Variants in USP4 observed in about 807,000 individuals in gnomAD.
USP4 encodes ubiquitin specific peptidase 4, also known as ubiquitin carboxyl-terminal hydrolase 4.
A neutral mutation model predicts 118.2 loss-of-function variants in USP4; 72 were observed. That is an observed-to-expected ratio of 0.61 (90% CI 0.50 to 0.74). The LOEUF (loss-of-function observed/expected upper bound fraction) is 0.74, where lower values mean the gene tolerates loss of function less well. USP4 is among the 30% of genes least tolerant of loss of function. USP4 has a pLI of 0.00. For synonymous variants in USP4, 415 were observed against 440.4 expected (o/e 0.94, Z 0.72); for missense variants, 1,037 against 1,185.7 (o/e 0.87, Z 1.84).
At position 49,305,742 on chromosome 3, in the gene USP4, G is replaced by T. The variant is rs2230929; in HGVS notation, c.1101C>A (p.Asp367Glu). 6.2e-7 allele frequency: 1 copy of T among 1,610,302 alleles called. No individual in the cohort carries two copies. Among genetic ancestry groups the T allele is most frequent in the Non-Finnish European group, 8.5e-7 (1 of 1,178,348 alleles). The change falls in exon 9 of 22, where the codon GAC becomes GAA. Residue 367 changes from aspartate (D) to glutamate (E), a missense_variant. This residue lies in a region of USP4 where 487 missense variants were observed against 534.1 expected (regional missense o/e 0.91). Coordinates refer to ENST00000265560, the MANE Select transcript of USP4 (RefSeq NM_003363.4). ...TGAACATGCGAGGTGCCACATGGGCGTCCCTTCCAGACCACATCTGCTTAA... is the reference window on the plus strand; with the variant it reads ...TGAACATGCGAGGTGCCACATGGGCTTCCCTTCCAGACCACATCTGCTTAA... ...ELIKQMWSGR[D>E]AHVAPRMFKT... is the part of the protein sequence containing the mutation.
rs570751158 is a variant in USP4 at position 49,317,276 on chromosome 3, GGGCCAGCTTCTCGTTGACGCA to G, written c.696-5643_696-5623del. On this transcript the variant is annotated intron_variant, in intron 6 of 21. Coordinates refer to ENST00000265560, the MANE Select transcript of USP4 (RefSeq NM_003363.4). ...TTGCGTGCCAGGTTCTCGTTGACGC[GGGCCAGCTTCTCGTTGACGCA>G]GGCCAGCTTCTCTGTCAGCTGCCTC... The G allele has an allele frequency of 1.1e-3, 1,667 of 1,532,004 alleles. 10 individuals carry two copies. The Middle Eastern group carries it at 0.019, about 18-fold the overall frequency. 94.9% of individuals were successfully genotyped at this position (1,532,004 alleles called of 1,614,324 possible). A position where few individuals can be genotyped will look rare whatever the true frequency, so the allele number is the denominator to read the frequency against.
intron 2 of USP4, among the ~76,000 whole-genome samples, chr3:49,332,068 T>A (rs1186102507): frequency 6.6e-6 from 1 of 151,316 alleles, no homozygotes; most frequent in African/African-American, 2.4e-5. Context: ...AGGTCAGGAG[T>A]TCGAGACCAG....
chr3:49,278,932 C>T (rs777750320), intron 20 of USP4, 30 bp from the exon 21 acceptor site: 9 of 1,494,790 alleles, frequency 6.0e-6, no homozygotes, highest in African/African-American at 5.6e-5. Flanking sequence ...AATACTCTAG[C>T]GGTCTCCAGA....
At chr3:49,296,646 C>T (rs1436253415) in intron 13 of USP4, among the ~76,000 whole-genome samples, 1 of 152,068 alleles carries the variant, frequency 6.6e-6, no homozygotes, top group Non-Finnish European at 1.5e-5. Context: ...GAGACTCCGT[C>T]TAAAAAAATA....
At chr3:49,283,302 C>T (rs898249722) in intron 19 of USP4, among the ~76,000 whole-genome samples, 2 of 152,044 alleles carry the variant, frequency 1.3e-5, no homozygotes, top group African/African-American at 4.8e-5. Context: ...GCATGAGCCA[C>T]CGTGCCCAGC....
chr3:49,289,263 C>T (rs541943804), intron 15 of USP4, among the ~76,000 whole-genome samples: 1 of 152,336 alleles, frequency 6.6e-6, no homozygotes, highest in Admixed American at 6.5e-5. Context: ...GATGTTGTTA[C>T]TGATTGAGTG....
chr3:49,284,337 G>T, intron 18 of USP4, 129 bp downstream of exon 18: 1 of 1,034,076 alleles, frequency 9.7e-7, no homozygotes, highest in Admixed American at 2.2e-5. Flanking sequence ...AGAGGATTAT[G>T]TTGTAGGGTT....
intron 8 of USP4, among the ~76,000 whole-genome samples, chr3:49,306,501 C>G (rs549307363): frequency 3.9e-5 from 6 of 152,190 alleles, no homozygotes; most frequent in African/African-American, 1.4e-4. Context: ...CCGCGCCCAG[C>G]CTTTTTCATT....
chr3:49,319,141 CAAA>C (rs559088103), intron 6 of USP4, among the ~76,000 whole-genome samples: 7 of 112,628 alleles, frequency 6.2e-5, no homozygotes, highest in Non-Finnish European at 3.6e-5. Flanking sequence ...GACTGCATCT[CAAA>C]AAAAAAAAAA....
chr3:49,335,997 G>A (rs918549115), intron 1 of USP4, among the ~76,000 whole-genome samples: 1 of 151,892 alleles, frequency 6.6e-6, no homozygotes, highest in African/African-American at 2.4e-5. Flanking sequence ...CTGACTAACT[G>A]GGATTACAGG....
At chr3:49,339,015 C>T (rs1021389303) in intron 1 of USP4, among the ~76,000 whole-genome samples, 1 of 151,964 alleles carries the variant, frequency 6.6e-6, no homozygotes, top group African/African-American at 2.4e-5. Context: ...GGTGTGGTGG[C>T]GTGAGCCTGT....
At chr3:49,280,043 G>A (rs1453088889) in intron 20 of USP4, among the ~76,000 whole-genome samples, 3 of 151,824 alleles carry the variant, frequency 2.0e-5, no homozygotes, top group Non-Finnish European at 2.9e-5. Context: ...AGGGTGGTTC[G>A]CTTGAGCCCA....
chr3:49,325,354 C>T lies in USP4; in HGVS notation c.488-315G>A, dbSNP rs575821138. ...AGCTAGCTCCACCATTTTCTGGCTGCGATTTGTTTTTTTTTTTAAGAGACA... is the reference window on the plus strand; with the variant it reads ...AGCTAGCTCCACCATTTTCTGGCTGTGATTTGTTTTTTTTTTTAAGAGACA... On this transcript the variant is annotated intron_variant, in intron 4 of 21. Coordinates refer to ENST00000265560, the MANE Select transcript of USP4 (RefSeq NM_003363.4). Among the ~76,000 whole-genome samples, 6 of 151,730 alleles carry T rather than the reference C, an allele frequency of 4.0e-5. No individual in the cohort carries two copies. In the East Asian group the frequency reaches 9.7e-4, roughly 24 times the overall value.
chr3:49,277,353 TG>T lies in USP4; in HGVS notation c.*939del. 1.3e-6 allele frequency: 1 copy of T among 790,734 alleles called. No homozygotes were observed. The highest frequency in any genetic ancestry group is 1.8e-6 in the Non-Finnish European group (1 of 563,408). 49.0% of individuals were successfully genotyped at this position (790,734 alleles called of 1,614,324 possible). On this transcript the variant is annotated 3_prime_UTR_variant, in exon 22 of 22. Coordinates refer to ENST00000265560, the MANE Select transcript of USP4 (RefSeq NM_003363.4). ...GCAGCGGCTGGCCCCGCGGTGGGAG[TG>T]GGGACGGGGCTTTCGAATGGGGGCC...
At chr3:49,291,381 C>G (rs1367977182) in intron 15 of USP4, among the ~76,000 whole-genome samples, 2 of 150,304 alleles carry the variant, frequency 1.3e-5, no homozygotes, top group African/African-American at 4.9e-5. Flanking sequence ...TCAAGACCAG[C>G]CTGGCCAAGA....
chr3:49,283,453 C>T (rs972464540), intron 19 of USP4, among the ~76,000 whole-genome samples: 1 of 152,148 alleles, frequency 6.6e-6, no homozygotes, highest in Non-Finnish European at 1.5e-5. Flanking sequence ...CTGTGCCCAG[C>T]CAGGGAACAT....
intron 6 of USP4, chr3:49,317,456 G>A (rs760705245): frequency 2.5e-6 from 2 of 785,950 alleles, no homozygotes; most frequent in Non-Finnish European, 4.4e-6. Context: ...ATGCCCTGCT[G>A]GGTCAACATC....
rs1330829171 is a variant in USP4 at position 49,277,250 on chromosome 3, A to G, written c.*1043T>C. 7 of 1,302,554 alleles carry G rather than the reference A, an allele frequency of 5.4e-6. 1 individual carries two copies. Among genetic ancestry groups the G allele is most frequent in the African/African-American group, 3.0e-5 (2 of 66,434 alleles). The allele number at this position is 1,302,554 out of a possible 1,614,324, so 80.7% of individuals were successfully genotyped here. On this transcript the variant is annotated 3_prime_UTR_variant, in exon 22 of 22. Transcript: ENST00000265560. ...ATGCGCGTGCCCCGCGCAGGCCCCAAACCCCCACGGATTAGGTTGAAGGTC... is the reference window on the plus strand; with the variant it reads ...ATGCGCGTGCCCCGCGCAGGCCCCAGACCCCCACGGATTAGGTTGAAGGTC...
chr3:49,289,217 CAG>C (rs2047128709), intron 15 of USP4, among the ~76,000 whole-genome samples: 1 of 152,180 alleles, frequency 6.6e-6, no homozygotes, highest in South Asian at 2.1e-4. Context: ...GCCTAAGAAA[CAG>C]GGTTAGGAGT....
Sources: gnomAD v4.1 joint callset for allele counts (sites outside exome capture counted in the v4.1 genomes callset) on GRCh38, gnomAD v4.1.1 for gene constraint, gnomAD v4.1.1 regional missense constraint, MANE v1.5 for transcripts, NCBI Gene and HGNC (gene_info 2026-07-23, HGNC 2026-07-21) for gene names.